ADGRL3: variants seen among roughly 807,000 people sequenced by gnomAD.
ADGRL3 encodes calcium-independent alpha-latrotoxin receptor 3.
ADGRL3 carries 62 observed loss-of-function variants against 153.5 expected under a neutral mutation model. That is an observed-to-expected ratio of 0.40 (90% CI 0.33 to 0.50). The LOEUF is 0.50. Ranked by LOEUF, ADGRL3 falls within the 20% of genes least tolerant of loss-of-function variation. The pLI, the probability that ADGRL3 is intolerant of heterozygous loss-of-function variation, is 0.47. For synonymous variants in ADGRL3, 710 were observed against 672.5 expected, an observed-to-expected ratio of 1.06 and a Z score of -0.86; for missense variants, 1,641 against 1,859.4, an observed-to-expected ratio of 0.88 and a Z score of 2.16.
At chr4:62,063,682 G>A in intron 25 of ADGRL3, 1 of 619,216 alleles carries the variant, frequency 1.6e-6, no homozygotes, top group Non-Finnish European at 3.0e-6. Flanking sequence ...CCCATTTTAT[G>A]TAGGTTTTAT....
At chr4:62,068,264 A>C (rs1350729264) in intron 26 of ADGRL3, 81 bp downstream of exon 26, 5 of 1,299,552 alleles carry the variant, frequency 3.8e-6, no homozygotes, top group Non-Finnish European at 5.3e-6. Flanking sequence ...TAGATGATGT[A>C]GTTATTAAAA....
At chr4:61,699,607 T>C (rs190787914) in intron 6 of ADGRL3, among the ~76,000 whole-genome samples, 1 of 152,184 alleles carries the variant, frequency 6.6e-6, no homozygotes, top group Admixed American at 6.5e-5. Flanking sequence ...GAATGTGAAA[T>C]TGGGGATATA....
chr4:61,384,290 T>C (rs2096709683), intron 2 of ADGRL3, among the ~76,000 whole-genome samples: 1 of 151,878 alleles, frequency 6.6e-6, no homozygotes, highest in Non-Finnish European at 1.5e-5. Flanking sequence ...AGAGATATGA[T>C]TGAATCTCTT....
chr4:61,302,503 C>A (rs1427850122), intron 1 of ADGRL3, among the ~76,000 whole-genome samples: 1 of 151,942 alleles, frequency 6.6e-6, no homozygotes, highest in Non-Finnish European at 1.5e-5. Context: ...TTTAATCTTT[C>A]ATTTTCTCTT....
At chr4:61,475,318 A>C (rs2098032732) in intron 2 of ADGRL3, among the ~76,000 whole-genome samples, 1 of 152,214 alleles carries the variant, frequency 6.6e-6, no homozygotes, top group South Asian at 2.1e-4. Flanking sequence ...TACAATTAAC[A>C]AAACCACTAT....
At chr4:61,583,926 A>G (rs1421246438) in intron 4 of ADGRL3, among the ~76,000 whole-genome samples, 2 of 152,000 alleles carry the variant, frequency 1.3e-5, no homozygotes, top group African/African-American at 4.8e-5. Flanking sequence ...GCCCAATGCA[A>G]TGTTAACCTG....
intron 4 of ADGRL3, among the ~76,000 whole-genome samples, chr4:61,559,001 T>C (rs906037177): frequency 6.6e-6 from 1 of 152,048 alleles, no homozygotes; most frequent in Non-Finnish European, 1.5e-5. Context: ...CAAAACACTG[T>C]ATGCAAAATA....
intron 8 of ADGRL3, among the ~76,000 whole-genome samples, chr4:61,734,973 T>A (rs1187139434): frequency 6.6e-6 from 1 of 152,230 alleles, no homozygotes; most frequent in Non-Finnish European, 1.5e-5. Flanking sequence ...ATCCTGTTAA[T>A]ATTTCTTATT....
At chr4:61,414,886 T>C (rs961146926) in intron 2 of ADGRL3, among the ~76,000 whole-genome samples, 5 of 151,966 alleles carry the variant, frequency 3.3e-5, no homozygotes, top group Admixed American at 3.3e-4. Context: ...ATTTACATTA[T>C]CTCAGCTTAA....
Position 62,028,774 on chromosome 4 carries a change from G to A in ADGRL3, c.3396-81G>A, listed in dbSNP as rs541312698. The A allele has an allele frequency of 1.6e-4, 193 of 1,179,894 alleles. No individual in the cohort carries two copies. In the African/African-American group the frequency reaches 2.4e-3, roughly 15 times the overall value. The allele number at this position is 1,179,894 out of a possible 1,614,324, so 73.1% of individuals were successfully genotyped here. A position where few individuals can be genotyped will look rare whatever the true frequency, so the allele number is the denominator to read the frequency against. On this transcript the variant is annotated intron_variant, in intron 21 of 26. Coordinates refer to ENST00000683033, the MANE Select transcript of ADGRL3 (RefSeq NM_001387552.1). Reference sequence around the variant, plus strand: ...GGGGGACAGAGGCCTTTGGGGACCAGGAGAATATTTTTCATATGAAATTCT... The same window carrying A: ...GGGGGACAGAGGCCTTTGGGGACCAAGAGAATATTTTTCATATGAAATTCT...
chr4:61,562,233 TAGTG>T (rs1345149346), intron 4 of ADGRL3, among the ~76,000 whole-genome samples: 3 of 152,202 alleles, frequency 2.0e-5, no homozygotes, highest in African/African-American at 7.2e-5. Flanking sequence ...TCTGAGCCTT[TAGTG>T]AGTTGTAATC....
intron 2 of ADGRL3, among the ~76,000 whole-genome samples, chr4:61,446,775 G>A (rs892350807): frequency 6.6e-6 from 1 of 152,154 alleles, no homozygotes; most frequent in African/African-American, 2.4e-5. Flanking sequence ...ACAGAAATCA[G>A]CATCATTCCT....
intron 23 of ADGRL3, among the ~76,000 whole-genome samples, chr4:62,034,276 A>G (rs1404752936): frequency 6.6e-6 from 1 of 151,832 alleles, no homozygotes; most frequent in Non-Finnish European, 1.5e-5. Context: ...TAAAATAAGT[A>G]TATACACCCT....
At chr4:61,243,840 G>A (rs1383852494) in intron 1 of ADGRL3, among the ~76,000 whole-genome samples, 1 of 151,968 alleles carries the variant, frequency 6.6e-6, no homozygotes, top group South Asian at 2.1e-4. Flanking sequence ...CATAAAATAA[G>A]TTAAAGGACA....
At chr4:61,971,576 G>C (rs1223640470) in intron 17 of ADGRL3, among the ~76,000 whole-genome samples, 4 of 151,964 alleles carry the variant, frequency 2.6e-5, no homozygotes, top group Non-Finnish European at 5.9e-5. Context: ...ATTTGGGTTG[G>C]TTCCAAGTCT....
intron 6 of ADGRL3, among the ~76,000 whole-genome samples, chr4:61,701,158 G>C (rs560310990): frequency 6.6e-6 from 1 of 152,136 alleles, no homozygotes; most frequent in South Asian, 2.1e-4. Context: ...TAGAGGACTG[G>C]AGAAGGAAGA....
At position 62,071,078 on chromosome 4, in the gene ADGRL3, C is replaced by T; in HGVS notation, c.*170C>T. The T allele has an allele frequency of 1.7e-6, 1 of 587,062 alleles. No homozygotes were observed. Among genetic ancestry groups the T allele is most frequent in the Non-Finnish European group, 2.9e-6 (1 of 343,824 alleles). The allele number at this position is 587,062 out of a possible 1,614,324, so 36.4% of individuals were successfully genotyped here. On this transcript the variant is annotated 3_prime_UTR_variant, in exon 27 of 27. Coordinates refer to ENST00000683033, the MANE Select transcript of ADGRL3 (RefSeq NM_001387552.1). ...TTTTTAATGGGATTTTTAGGTCAGC[C>T]CAGGGGAGAAAGATAACTGCTAAAA... is the stretch of plus-strand genomic sequence containing the variant.
intron 9 of ADGRL3, among the ~76,000 whole-genome samples, chr4:61,828,210 C>A (rs1165611689): frequency 6.6e-6 from 1 of 152,128 alleles, no homozygotes; most frequent in Non-Finnish European, 1.5e-5. Context: ...TGTAGTTCTT[C>A]ATTTCAATGT....
intron 9 of ADGRL3, among the ~76,000 whole-genome samples, chr4:61,827,743 C>T (rs2097824919): frequency 6.6e-6 from 1 of 152,118 alleles, no homozygotes; most frequent in African/African-American, 2.4e-5. Flanking sequence ...AGAGAAATTC[C>T]TTGATTTCTA....
Sources: allele counts gnomAD v4.1 joint callset (sites outside exome capture counted in the v4.1 genomes callset), GRCh38; gene constraint gnomAD v4.1.1; transcripts MANE v1.5; gene names NCBI Gene and HGNC (gene_info 2026-07-23, HGNC 2026-07-21).